ACYP2: variants seen among roughly 807,000 people sequenced by gnomAD.
ACYP2 encodes the protein acylphosphatase-2.
In ACYP2, 12 loss-of-function variants were observed where a neutral mutation model predicts 11.2. The ratio of observed to expected loss-of-function variants is 1.08; its 90% CI spans 0.69 to 1.74. The LOEUF is 1.74. ACYP2 is among the 40% of genes most tolerant of loss of function. The pLI is 0.00. For synonymous variants in ACYP2, 43 were observed against 32.2 expected (o/e 1.33, Z -1.13); for missense variants, 134 against 101.9 (o/e 1.31, Z -1.35).
chr2:54,131,091 A>C (rs1298934102), intron 4 of ACYP2, among the ~76,000 whole-genome samples: 2 of 152,164 alleles, frequency 1.3e-5, no homozygotes, highest in Non-Finnish European at 2.9e-5. Context: ...ACTGTGTCTT[A>C]CTCATCTCAT....
At chr2:54,299,396 G>C (rs560651700) in intron 6 of ACYP2, among the ~76,000 whole-genome samples, 2 of 151,292 alleles carry the variant, frequency 1.3e-5, no homozygotes. Flanking sequence ...GTTTGAGAGC[G>C]GCCTGACCAA....
At chr2:54,240,935 A>T (rs1686704742) in intron 6 of ACYP2, among the ~76,000 whole-genome samples, 1 of 152,210 alleles carries the variant, frequency 6.6e-6, no homozygotes, top group Non-Finnish European at 1.5e-5. Context: ...CGAGGAGATG[A>T]ATGTCTGTTC....
chr2:54,276,976 A>G (rs1200893238), intron 6 of ACYP2, among the ~76,000 whole-genome samples: 2 of 152,348 alleles, frequency 1.3e-5, no homozygotes, highest in East Asian at 1.9e-4. Flanking sequence ...ATTCATCTTC[A>G]TAAATTTAAT....
At chr2:54,158,607 AT>A (rs753530711) in intron 6 of ACYP2, among the ~76,000 whole-genome samples, 13 of 152,174 alleles carry the variant, frequency 8.5e-5, no homozygotes, top group Non-Finnish European at 1.8e-4. Flanking sequence ...GATATGTGCT[AT>A]TCCCCATATT....
intron 4 of ACYP2, among the ~76,000 whole-genome samples, chr2:54,067,481 T>C (rs915744469): frequency 3.3e-5 from 5 of 152,160 alleles, no homozygotes; most frequent in Admixed American, 3.3e-4. Context: ...AACTTAAGGA[T>C]CTGTAGTTAA....
chr2:54,055,443 C>G (rs1676090062), intron 3 of ACYP2, among the ~76,000 whole-genome samples: 1 of 151,964 alleles, frequency 6.6e-6, no homozygotes, highest in South Asian at 2.1e-4. Flanking sequence ...ATAATGTAAA[C>G]AATTTGTATT....
At chr2:54,011,893 C>G (rs1673393493) in intron 2 of ACYP2, among the ~76,000 whole-genome samples, 2 of 152,012 alleles carry the variant, frequency 1.3e-5, no homozygotes, top group African/African-American at 4.8e-5. Flanking sequence ...GGTTGTCTAC[C>G]TTGGAAAGTT....
At chr2:54,264,698 A>G (rs949641656) in intron 6 of ACYP2, among the ~76,000 whole-genome samples, 4 of 152,250 alleles carry the variant, frequency 2.6e-5, no homozygotes, top group African/African-American at 2.4e-5. Flanking sequence ...TTTCAAAAAT[A>G]TAAGTATAAA....
At chr2:54,032,744 C>G (rs376965642) in intron 2 of ACYP2, among the ~76,000 whole-genome samples, 16 of 152,196 alleles carry the variant, frequency 1.1e-4, no homozygotes, top group African/African-American at 3.9e-4. Context: ...GAATAAAATA[C>G]CTAGGAATCC....
At chr2:54,190,402 CCCCTTTCTCTCCT>C (rs1684192370) in intron 6 of ACYP2, among the ~76,000 whole-genome samples, 1 of 151,966 alleles carries the variant, frequency 6.6e-6, no homozygotes, top group South Asian at 2.1e-4. Context: ...CTCATTGTCT[CCCCTTTCTCTCCT>C]CCCTTTCTCT....
At chr2:54,287,057 C>T (rs1689108416) in intron 6 of ACYP2, among the ~76,000 whole-genome samples, 1 of 151,946 alleles carries the variant, frequency 6.6e-6, no homozygotes, top group Non-Finnish European at 1.5e-5. Flanking sequence ...AAGGTGAGTG[C>T]ATTTGTGCTG....
chr2:54,086,083 A>G (rs1360350137), intron 4 of ACYP2, among the ~76,000 whole-genome samples: 1 of 152,122 alleles, frequency 6.6e-6, no homozygotes, highest in Non-Finnish European at 1.5e-5. Context: ...AGCTGGGATT[A>G]CAGGTGTGCA....
intron 2 of ACYP2, among the ~76,000 whole-genome samples, chr2:54,015,660 C>CAT (rs1673645202): frequency 6.6e-6 from 1 of 151,202 alleles, no homozygotes; most frequent in Non-Finnish European, 1.5e-5. Flanking sequence ...CACACACACA[C>CAT]ACACACACAC....
chr2:53,973,853 ATATG>A lies in ACYP2; in HGVS notation c.62+45_62+48del, dbSNP rs1244365695. ...AGGGATTTTTGAATGTGGGATATAT[ATATG>A]TGTGTGTGTGTGTGTGTGTGTGTGT... is the stretch of plus-strand genomic sequence containing the variant. On this transcript the variant is annotated intron_variant, in intron 2 of 6. Coordinates refer to ENST00000607452, the MANE Select transcript of ACYP2 (RefSeq NM_001320586.2). 2.4e-3 allele frequency: 267 copies of A among 113,410 alleles called. 4 individuals carry two copies. The highest frequency in any genetic ancestry group is 0.012 in the African/African-American group (182 of 15,698). 7.0% of individuals were successfully genotyped at this position (113,410 alleles called of 1,614,324 possible).
At chr2:54,096,896 G>C (rs112560432) in intron 4 of ACYP2, among the ~76,000 whole-genome samples, 1,536 of 152,218 alleles carry the variant, frequency 0.01, 35 homozygotes, top group African/African-American at 0.035. Context: ...TAAAAATAGA[G>C]ACGGGGTCTT....
At chr2:54,206,889 G>A (rs13394772) in intron 6 of ACYP2, among the ~76,000 whole-genome samples, 7,006 of 152,130 alleles carry the variant, frequency 0.046, 536 homozygotes, top group African/African-American at 0.16. Context: ...AAATTTGATG[G>A]TAGCCAATGT....
In ACYP2 at chr2:54,085,306, T is replaced by C. The variant is rs1046659266; in HGVS notation, c.277+27946T>C. On this transcript the variant is annotated intron_variant, in intron 4 of 6. Coordinates refer to ENST00000607452, the MANE Select transcript of ACYP2 (RefSeq NM_001320586.2). ...GTGAGTGAGTGGGTGCTTGTGGGGG[T>C]GTGAGAGTGCACCCTGCCACGGGAC... 7.3e-5 allele frequency among the ~76,000 whole-genome samples: 11 copies of C among 151,718 alleles called. No individual in the cohort carries two copies. In the South Asian group the frequency reaches 2.3e-3, roughly 32 times the overall value.
chr2:54,300,464 C>T (rs1262589528), intron 6 of ACYP2, among the ~76,000 whole-genome samples: 1 of 152,230 alleles, frequency 6.6e-6, no homozygotes, highest in Admixed American at 6.5e-5. Context: ...CCTCTAACAA[C>T]TGGGTTAATG....
intron 6 of ACYP2, among the ~76,000 whole-genome samples, chr2:54,235,873 G>C (rs1016356492): frequency 1.3e-5 from 2 of 152,066 alleles, no homozygotes; most frequent in African/African-American, 4.8e-5. Flanking sequence ...AACTCTATAA[G>C]CTCTGTAGTG....
Sources: allele counts gnomAD v4.1 joint callset (sites outside exome capture counted in the v4.1 genomes callset), GRCh38; gene constraint gnomAD v4.1.1; transcripts MANE v1.5; gene names NCBI Gene and HGNC (gene_info 2026-07-23, HGNC 2026-07-21).